Variants in OXR1 observed in about 807,000 individuals in gnomAD.
OXR1 encodes the protein oxidation resistance 1.
A neutral mutation model predicts 104.6 loss-of-function variants in OXR1; 41 were observed. The ratio of observed to expected loss-of-function variants is 0.39; its 90% CI spans 0.31 to 0.51. OXR1 has a LOEUF of 0.51. Ranked by LOEUF, OXR1 falls within the 20% of genes least tolerant of loss-of-function variation. The pLI is 0.77. For synonymous variants in OXR1, 348 were observed against 348.4 expected, an observed-to-expected ratio of 1.00 and a Z score of 0.01; for missense variants, 955 against 1,031.9, an observed-to-expected ratio of 0.93 and a Z score of 1.02.
intron 10 of OXR1, 63 bp from the exon 11 acceptor site, chr8:106,713,760 T>C: frequency 1.1e-6 from 1 of 920,086 alleles, no homozygotes; most frequent in South Asian, 2.8e-5. Flanking sequence ...ATTTTACAAA[T>C]ATAATTTTTT....
intron 3 of OXR1, among the ~76,000 whole-genome samples, chr8:106,595,612 A>G (rs576807339): frequency 1.3e-5 from 2 of 152,006 alleles, no homozygotes; most frequent in African/African-American, 4.8e-5. Context: ...ACTGTAACTC[A>G]TGGGGGGAAA....
intron 2 of OXR1, among the ~76,000 whole-genome samples, chr8:106,432,709 C>A (rs183091873): frequency 6.6e-6 from 1 of 152,206 alleles, no homozygotes; most frequent in African/African-American, 2.4e-5. Flanking sequence ...TGTATGCATG[C>A]ATGTAGGATG....
At chr8:106,740,279 C>A in intron 13 of OXR1, 64 bp from the exon 14 acceptor site, 1 of 1,247,736 alleles carries the variant, frequency 8.0e-7, no homozygotes, top group Non-Finnish European at 1.1e-6. Flanking sequence ...TTCCAGCTGG[C>A]ATTAGTATTC....
Position 106,580,707 on chromosome 8 carries a change from C to T in OXR1, c.220+61568C>T, listed in dbSNP as rs1269072172. 2.0e-5 allele frequency among the ~76,000 whole-genome samples: 3 copies of T among 151,962 alleles called. No homozygotes were observed. In the East Asian group the frequency reaches 5.8e-4, roughly 29 times the overall value. The stretch of plus-strand genomic sequence containing the variant: ...ATCCTACCAATAGTACATGGCAGTT[C>T]CAATTTCTCCACATTCTCACCAACA... On this transcript the variant is annotated intron_variant, in intron 3 of 16. Transcript: ENST00000517566.
At chr8:106,605,890 T>C (rs1820340660) in intron 3 of OXR1, among the ~76,000 whole-genome samples, 1 of 124,022 alleles carries the variant, frequency 8.1e-6, no homozygotes, top group South Asian at 2.5e-4. Context: ...TGAAACAACA[T>C]ATGACTTCTC....
intron 3 of OXR1, among the ~76,000 whole-genome samples, chr8:106,667,989 A>G (rs1360704714): frequency 1.3e-5 from 2 of 151,708 alleles, no homozygotes; most frequent in African/African-American, 2.4e-5. Context: ...AAGAAAAAAA[A>G]TTACAGATAC....
rs545064363 is a variant in OXR1 at position 106,461,472 on chromosome 8, G to A, written c.24-57471G>A. Among the ~76,000 whole-genome samples the A allele has an allele frequency of 1.1e-4, 16 of 152,168 alleles. No homozygotes were observed. In the South Asian group the frequency reaches 3.3e-3, roughly 32 times the overall value. ...TGTAATCCCAGCTACTCAGGAGGCA[G>A]GAGAATCACTTGAACCCAGGAGGTG... On this transcript the variant is annotated intron_variant, in intron 2 of 16. Transcript: ENST00000517566.
intron 1 of OXR1, among the ~76,000 whole-genome samples, chr8:106,290,446 A>G (rs1812698527): frequency 6.6e-6 from 1 of 152,200 alleles, no homozygotes; most frequent in African/African-American, 2.4e-5. Context: ...CCAAAAATTG[A>G]CAAGTGGGAC....
At chr8:106,602,603 T>G (rs1277806044) in intron 3 of OXR1, among the ~76,000 whole-genome samples, 2 of 152,160 alleles carry the variant, frequency 1.3e-5, no homozygotes, top group Non-Finnish European at 2.9e-5. Context: ...TGGTGGAAGA[T>G]GGTGTTCAGT....
intron 2 of OXR1, among the ~76,000 whole-genome samples, chr8:106,368,382 G>GTGTTT (rs1164308083): frequency 1.3e-5 from 2 of 152,022 alleles, no homozygotes; most frequent in Middle Eastern, 3.2e-3. Context: ...GACATGGTAT[G>GTGTTT]TGTTTTGTTT....
intron 3 of OXR1, among the ~76,000 whole-genome samples, chr8:106,546,112 G>A (rs768652678): frequency 2.0e-5 from 3 of 152,236 alleles, no homozygotes; most frequent in East Asian, 1.9e-4. Context: ...CGTGTCATTC[G>A]GTAGGGTCTC....
At chr8:106,368,493 A>G (rs1247307283) in intron 2 of OXR1, among the ~76,000 whole-genome samples, 2 of 151,992 alleles carry the variant, frequency 1.3e-5, no homozygotes, top group Non-Finnish European at 2.9e-5. Context: ...ACATAGGTGT[A>G]TGTGTGCCAT....
At chr8:106,500,212 A>G (rs184047266) in intron 2 of OXR1, among the ~76,000 whole-genome samples, 39 of 152,366 alleles carry the variant, frequency 2.6e-4, no homozygotes, top group African/African-American at 9.1e-4. Context: ...ATATTATTTT[A>G]TATTGTTTTA....
intron 2 of OXR1, among the ~76,000 whole-genome samples, chr8:106,515,780 G>A (rs1233020676): frequency 6.6e-6 from 1 of 152,028 alleles, no homozygotes; most frequent in African/African-American, 2.4e-5. Flanking sequence ...GAGGAACAAG[G>A]CATTAGGAAA....
chr8:106,417,535 C>T (rs1818727107), intron 2 of OXR1, among the ~76,000 whole-genome samples: 1 of 152,122 alleles, frequency 6.6e-6, no homozygotes, highest in African/African-American at 2.4e-5. Context: ...AATTTCAAAA[C>T]ATGTCCTTGA....
intron 2 of OXR1, among the ~76,000 whole-genome samples, chr8:106,488,486 G>A (rs573839759): frequency 4.3e-4 from 65 of 152,172 alleles, no homozygotes; most frequent in African/African-American, 1.5e-3. Flanking sequence ...TTTTAGACAT[G>A]AAGTCCTTGC....
At chr8:106,629,111 G>C (rs923503099) in intron 3 of OXR1, among the ~76,000 whole-genome samples, 1 of 152,162 alleles carries the variant, frequency 6.6e-6, no homozygotes, top group Non-Finnish European at 1.5e-5. Context: ...CCAAACTTGA[G>C]AGATTGTCTT....
At chr8:106,458,604 C>G (rs1423417273) in intron 2 of OXR1, among the ~76,000 whole-genome samples, 7 of 152,042 alleles carry the variant, frequency 4.6e-5, no homozygotes, top group African/African-American at 1.7e-4. Context: ...AACTGTAGAG[C>G]TACCAGCTTG....
chr8:106,655,716 G>T (rs1450011747), intron 3 of OXR1, among the ~76,000 whole-genome samples: 1 of 152,140 alleles, frequency 6.6e-6, no homozygotes, highest in Non-Finnish European at 1.5e-5. Context: ...AACAAATACA[G>T]AGAATAAAAG....
Sources: allele counts gnomAD v4.1 joint callset (sites outside exome capture counted in the v4.1 genomes callset), GRCh38; gene constraint gnomAD v4.1.1; transcripts MANE v1.5; gene names NCBI Gene and HGNC (gene_info 2026-07-23, HGNC 2026-07-21).